Variants in RERE observed in about 807,000 individuals in gnomAD.
RERE encodes arginine-glutamic acid dipeptide repeats.
A neutral mutation model predicts 146.1 loss-of-function variants in RERE; 40 were observed. The ratio of observed to expected loss-of-function variants is 0.27; its 90% CI spans 0.21 to 0.36. RERE has a LOEUF of 0.36. RERE is among the 10% of genes least tolerant of loss of function. RERE has a pLI of 1.00. For synonymous variants in RERE, 1,003 were observed against 866.0 expected (o/e 1.16, Z -2.78); for missense variants, 1,933 against 2,138.7 (o/e 0.90, Z 1.90).
At position 8,656,110 on chromosome 1, in the gene RERE, T is replaced by A. The variant is rs1638283946; in HGVS notation, c.188A>T (p.Asn63Ile). The A allele has an allele frequency of 6.2e-7, 1 of 1,614,172 alleles. No individual in the cohort carries two copies. The highest frequency in any genetic ancestry group is 8.5e-7 in the Non-Finnish European group (1 of 1,179,998). ...SDHSEDEDND[N>I]NSATAEESTK... The stretch of plus-strand genomic sequence containing the variant: ...GGACTCCTCTGCGGTGGCACTATTG[T>A]TGTCATTGTCCTCGTCTTCACTGTG... The change falls in exon 2 of 23, where the codon AAC (asparagine) becomes ATC (isoleucine). Residue 63 changes from asparagine to isoleucine, a missense_variant. Coordinates refer to ENST00000400908, the MANE Select transcript of RERE (RefSeq NM_001042681.2).
intron 10 of RERE, among the ~76,000 whole-genome samples, chr1:8,493,282 G>C (rs112584088): frequency 9.1e-4 from 138 of 152,104 alleles, no homozygotes; most frequent in African/African-American, 3.3e-3. Flanking sequence ...GCCCCTTCTG[G>C]CTTAATCATA....
intron 10 of RERE, among the ~76,000 whole-genome samples, chr1:8,480,595 T>C (rs926560431): frequency 3.3e-5 from 5 of 151,008 alleles, no homozygotes; most frequent in Admixed American, 6.6e-5. Context: ...ACCACCATAC[T>C]TGGCTAATTT....
intron 10 of RERE, among the ~76,000 whole-genome samples, chr1:8,489,073 G>A (rs6577490): frequency 0.85 from 129,651 of 152,132 alleles, 55,637 homozygotes; most frequent in East Asian, 0.95. Context: ...GGCCAGGTGC[G>A]GTGGCTCATG....
intron 10 of RERE, among the ~76,000 whole-genome samples, chr1:8,486,897 G>C (rs1340371749): frequency 6.6e-6 from 1 of 151,792 alleles, no homozygotes; most frequent in African/African-American, 2.4e-5. Flanking sequence ...TAAGAAAACA[G>C]AACAGGAAGA....
intron 7 of RERE, among the ~76,000 whole-genome samples, chr1:8,514,653 G>A (rs1014224038): frequency 3.3e-5 from 5 of 151,880 alleles, no homozygotes; most frequent in Admixed American, 6.6e-5. Context: ...GCTTGAACCC[G>A]GGAGGCAGAG....
At chr1:8,734,531 G>A (rs991602790) in intron 1 of RERE, among the ~76,000 whole-genome samples, 8 of 152,084 alleles carry the variant, frequency 5.3e-5, no homozygotes, top group African/African-American at 1.2e-4. Flanking sequence ...CAGCACAAGG[G>A]GTGCACACAA....
At chr1:8,726,757 ACT>A (rs1368253224) in intron 1 of RERE, among the ~76,000 whole-genome samples, 2 of 151,960 alleles carry the variant, frequency 1.3e-5, no homozygotes, top group African/African-American at 4.8e-5. Context: ...TAATCATAAG[ACT>A]CTTCTAATTA....
intron 7 of RERE, among the ~76,000 whole-genome samples, chr1:8,540,753 G>T (rs1230167903): frequency 6.6e-6 from 1 of 152,142 alleles, no homozygotes; most frequent in African/African-American, 2.4e-5. Flanking sequence ...TCTTACTAAA[G>T]ATATTTCAGT....
chr1:8,387,094 A>G (rs780986818), intron 12 of RERE, among the ~76,000 whole-genome samples: 3 of 152,254 alleles, frequency 2.0e-5, no homozygotes, highest in Non-Finnish European at 4.4e-5. Context: ...ATCAACAATT[A>G]TCCTAAAGCT....
intron 12 of RERE, among the ~76,000 whole-genome samples, chr1:8,400,147 TAA>T (rs1643198159): frequency 6.6e-6 from 1 of 151,882 alleles, no homozygotes; most frequent in African/African-American, 2.4e-5. Context: ...CTCCACTAAT[TAA>T]GTGTCTACAT....
At chr1:8,666,406 A>G (rs1257764220) in intron 1 of RERE, among the ~76,000 whole-genome samples, 2 of 152,236 alleles carry the variant, frequency 1.3e-5, no homozygotes, top group Non-Finnish European at 2.9e-5. Context: ...GAAGACCTAC[A>G]TGAACATCTT....
chr1:8,370,564 C>G (rs72864289), intron 12 of RERE, among the ~76,000 whole-genome samples: 3,134 of 152,302 alleles, frequency 0.021, 117 homozygotes, highest in African/African-American at 0.073. Flanking sequence ...TTAGCTGCCT[C>G]TCAACCACTG....
chr1:8,639,311 A>G (rs548029713), intron 2 of RERE, among the ~76,000 whole-genome samples: 10 of 152,306 alleles, frequency 6.6e-5, no homozygotes, highest in Non-Finnish European at 1.3e-4. Flanking sequence ...ACATATGACA[A>G]AACTGATGGT....
intron 12 of RERE, among the ~76,000 whole-genome samples, chr1:8,393,929 T>C (rs961229174): frequency 6.6e-6 from 1 of 152,204 alleles, no homozygotes; most frequent in Non-Finnish European, 1.5e-5. Context: ...CTTCAGATGA[T>C]AGGAGCTCAA....
At chr1:8,462,441 C>G (rs373492530) in intron 11 of RERE, among the ~76,000 whole-genome samples, 1 of 152,250 alleles carries the variant, frequency 6.6e-6, no homozygotes, top group Non-Finnish European at 1.5e-5. Context: ...AGAGGGAGCA[C>G]TGGCCGCGGG....
chr1:8,476,593 T>C (rs1180439913), intron 10 of RERE, among the ~76,000 whole-genome samples: 2 of 152,172 alleles, frequency 1.3e-5, no homozygotes, highest in African/African-American at 2.4e-5. Flanking sequence ...GGGGATGACA[T>C]TTGCTCAGTC....
intron 1 of RERE, among the ~76,000 whole-genome samples, chr1:8,763,134 A>T (rs892150119): frequency 1.3e-5 from 2 of 152,234 alleles, no homozygotes; most frequent in Non-Finnish European, 2.9e-5. Context: ...ATGGAGAAAG[A>T]TAATATTTAC....
At chr1:8,736,234 T>A (rs1640195325) in intron 1 of RERE, among the ~76,000 whole-genome samples, 1 of 152,104 alleles carries the variant, frequency 6.6e-6, no homozygotes, top group African/African-American at 2.4e-5. Flanking sequence ...GGAGACAGAG[T>A]CTTGCTCTGT....
chr1:8,359,182 G>A (rs949109427), intron 19 of RERE, among the ~76,000 whole-genome samples: 5 of 152,202 alleles, frequency 3.3e-5, no homozygotes, highest in African/African-American at 4.8e-5. Context: ...GGTTGTCTAC[G>A]TGTGAGGGTT....
Sources: allele counts gnomAD v4.1 joint callset (sites outside exome capture counted in the v4.1 genomes callset), GRCh38; gene constraint gnomAD v4.1.1; transcripts MANE v1.5; gene names NCBI Gene and HGNC (gene_info 2026-07-23, HGNC 2026-07-21).